The following TOX variants were observed in gnomAD, a reference collection of about 807,000 sequenced individuals.
TOX encodes thymocyte selection-associated high mobility group box protein TOX.
TOX carries 11 observed loss-of-function variants against 53.7 expected under a neutral mutation model. That is an observed-to-expected ratio of 0.20 (90% CI 0.13 to 0.34). The LOEUF is 0.34. TOX is among the 10% of genes least tolerant of loss of function. TOX has a pLI of 1.00. For missense variants in TOX, 570 were observed against 664.6 expected (o/e 0.86, Z 1.56); for synonymous variants, 225 against 245.3 (o/e 0.92, Z 0.77).
intron 3 of TOX, among the ~76,000 whole-genome samples, chr8:58,883,709 C>T (rs1563378845): frequency 1.3e-5 from 2 of 151,822 alleles, no homozygotes; most frequent in Admixed American, 1.3e-4. Context: ...TTTCTATGAA[C>T]ATTGTTCATT....
chr8:58,976,502 C>T (rs756174638), intron 1 of TOX, among the ~76,000 whole-genome samples: 1 of 152,198 alleles, frequency 6.6e-6, no homozygotes, highest in Admixed American at 6.5e-5. Context: ...TTGGAATCAA[C>T]GTCCTTCAAA....
intron 1 of TOX, among the ~76,000 whole-genome samples, chr8:59,106,976 A>T (rs888702505): frequency 7.1e-6 from 1 of 140,210 alleles, no homozygotes; most frequent in African/African-American, 2.7e-5. Context: ...AACCTTTTCA[A>T]CTGGGTGAAT....
Position 58,987,259 on chromosome 8 carries a change from G to A in TOX, c.103-27251C>T, listed in dbSNP as rs150994043. On this transcript the variant is annotated intron_variant, in intron 1 of 8. Coordinates refer to ENST00000361421, the MANE Select transcript of TOX (RefSeq NM_014729.3). ...GGCACTTGCCTTTCAGGGACATGGAGTAACAGAATGCCAATTGTCACACAC... is the reference window on the plus strand; with the variant it reads ...GGCACTTGCCTTTCAGGGACATGGAATAACAGAATGCCAATTGTCACACAC... Among the ~76,000 whole-genome samples, 84 of 152,326 alleles carry A rather than the reference G, an allele frequency of 5.5e-4. No individual in the cohort carries two copies. In the East Asian group the frequency reaches 8.7e-3, roughly 16 times the overall value.
At position 58,851,557 on chromosome 8, in the gene TOX, T is replaced by C. The variant is rs1438719732; in HGVS notation, c.660A>G (p.Ser220=). The C allele has an allele frequency of 6.2e-7, 1 of 1,613,252 alleles. No homozygotes were observed. Among genetic ancestry groups the C allele is most frequent in the African/African-American group, 1.3e-5 (1 of 74,872 alleles). ...TATCATCGCCTTCATCTTCATGCACTGAACTGGATGGTGAAGGAGTTGCAG... is the reference window on the plus strand; with the variant it reads ...TATCATCGCCTTCATCTTCATGCACCGAACTGGATGGTGAAGGAGTTGCAG... The part of the protein sequence containing the change: ...SKSATPSPSS[S]VHEDEGDDTS... The change falls in exon 4 of 9, where the codon TCA becomes TCG. Residue 220 remains serine, a synonymous_variant. Transcript: ENST00000361421. This position sits in a 1 kb window ranked among gnomAD's most constrained non-coding sequence, Gnocchi z 4.4.
chr8:58,958,282 T>G (rs1812743598), intron 2 of TOX, among the ~76,000 whole-genome samples: 1 of 152,212 alleles, frequency 6.6e-6, no homozygotes, highest in East Asian at 1.9e-4. Flanking sequence ...AATTTTAAAA[T>G]CTAAGGAGCC....
intron 3 of TOX, among the ~76,000 whole-genome samples, chr8:58,938,073 C>G (rs893690660): frequency 1.3e-5 from 2 of 152,282 alleles, no homozygotes; most frequent in East Asian, 3.9e-4. Flanking sequence ...TGAGTCTCCC[C>G]TCTTGGCTGC....
At chr8:59,064,683 G>C (rs998677427) in intron 1 of TOX, among the ~76,000 whole-genome samples, 5 of 151,968 alleles carry the variant, frequency 3.3e-5, no homozygotes, top group African/African-American at 1.2e-4. Flanking sequence ...TATACCTTTT[G>C]TACAAATACA....
At chr8:58,942,396 C>T (rs1475934747) in intron 2 of TOX, among the ~76,000 whole-genome samples, 1 of 152,100 alleles carries the variant, frequency 6.6e-6, no homozygotes, top group Non-Finnish European at 1.5e-5. Flanking sequence ...CCACAGATTC[C>T]ACAACTTAAC....
intron 1 of TOX, among the ~76,000 whole-genome samples, chr8:59,072,924 A>G (rs959819733): frequency 3.3e-5 from 5 of 152,194 alleles, no homozygotes; most frequent in Non-Finnish European, 4.4e-5. Flanking sequence ...GAATTTAAAT[A>G]CTTGTACTTT....
At chr8:59,104,664 T>C (rs1804865625) in intron 1 of TOX, among the ~76,000 whole-genome samples, 1 of 152,224 alleles carries the variant, frequency 6.6e-6, no homozygotes. Context: ...CTATGTTAAT[T>C]CAAATAGCCC....
chr8:58,976,625 G>T (rs1477317508), intron 1 of TOX, among the ~76,000 whole-genome samples: 1 of 152,082 alleles, frequency 6.6e-6, no homozygotes, highest in Non-Finnish European at 1.5e-5. Flanking sequence ...CCTTTCCCAG[G>T]TCCATCAAAG....
chr8:58,888,420 T>G (rs1811507072), intron 3 of TOX, among the ~76,000 whole-genome samples: 1 of 151,948 alleles, frequency 6.6e-6, no homozygotes, highest in South Asian at 2.1e-4. Context: ...CTTGAAGAAA[T>G]GGAAATACGT....
chr8:59,056,431 GAAAAAAAAAA>G (rs397697554), intron 1 of TOX, among the ~76,000 whole-genome samples: 1 of 56,296 alleles, frequency 1.8e-5, no homozygotes, highest in Non-Finnish European at 2.9e-5. Flanking sequence ...GGCCCTCTCC[GAAAAAAAAAA>G]AAAAAAAAAA....
chr8:58,808,544 T>C (rs764514283), intron 7 of TOX, among the ~76,000 whole-genome samples: 3 of 152,190 alleles, frequency 2.0e-5, no homozygotes, highest in Admixed American at 1.3e-4. Context: ...CAATTTCAAA[T>C]ATAGAGGAGC....
chr8:58,969,986 G>A (rs1812973923), intron 1 of TOX, among the ~76,000 whole-genome samples: 1 of 152,042 alleles, frequency 6.6e-6, no homozygotes, highest in Non-Finnish European at 1.5e-5. Context: ...GATGCTAACA[G>A]GCACAAACCA....
At chr8:58,906,928 A>G (rs964565141) in intron 3 of TOX, among the ~76,000 whole-genome samples, 1 of 152,214 alleles carries the variant, frequency 6.6e-6, no homozygotes, top group Non-Finnish European at 1.5e-5. Context: ...TTCTGGCAAC[A>G]CTGTTTCTGA....
At chr8:58,990,670 T>C (rs1813425326) in intron 1 of TOX, among the ~76,000 whole-genome samples, 1 of 151,826 alleles carries the variant, frequency 6.6e-6, no homozygotes, top group Admixed American at 6.6e-5. Flanking sequence ...GATGAGGGAG[T>C]CCGCAGCAAG....
chr8:58,822,754 C>T (rs73684682), intron 6 of TOX, among the ~76,000 whole-genome samples: 124 of 152,202 alleles, frequency 8.1e-4, no homozygotes, highest in African/African-American at 2.6e-3. Context: ...GTTGTTACCT[C>T]GATAAAATGA....
At chr8:58,905,931 T>C (rs1312924204) in intron 3 of TOX, among the ~76,000 whole-genome samples, 1 of 152,230 alleles carries the variant, frequency 6.6e-6, no homozygotes, top group African/African-American at 2.4e-5. Flanking sequence ...AATTTCACCC[T>C]GCCAGCATTG....
Sources: gnomAD v4.1 joint callset for allele counts (sites outside exome capture counted in the v4.1 genomes callset) on GRCh38, gnomAD v4.1.1 for gene constraint, Gnocchi (gnomAD v3.1) non-coding constraint, MANE v1.5 for transcripts, NCBI Gene and HGNC (gene_info 2026-07-23, HGNC 2026-07-21) for gene names.